RIMS2: variants seen among roughly 807,000 people sequenced by gnomAD.
The protein encoded by RIMS2 is regulating synaptic membrane exocytosis protein 2.
Under a neutral mutation model 174.4 loss-of-function variants are expected in RIMS2, and 59 were observed. That is an observed-to-expected ratio of 0.34 (90% CI 0.27 to 0.42). The LOEUF (loss-of-function observed/expected upper bound fraction) is 0.42. Ranked by LOEUF, RIMS2 falls within the 10% of genes least tolerant of loss-of-function variation. The probability of loss-of-function intolerance (pLI) is 1.00; values close to 1 mark genes in which losing one functional copy is unlikely to be tolerated. For missense variants in RIMS2, 1,620 were observed against 1,666.3 expected (o/e 0.97, Z 0.48); for synonymous variants, 606 against 572.5 (o/e 1.06, Z -0.84).
At chr8:103,633,444 A>G (rs1476693484) in intron 1 of RIMS2, among the ~76,000 whole-genome samples, 2 of 152,108 alleles carry the variant, frequency 1.3e-5, no homozygotes, top group African/African-American at 4.8e-5. Flanking sequence ...TCAGTTTGCA[A>G]GTATTTTGCT....
chr8:103,996,944 G>T (rs1310390230), intron 17 of RIMS2, among the ~76,000 whole-genome samples: 1 of 151,740 alleles, frequency 6.6e-6, no homozygotes, highest in Admixed American at 6.6e-5. Context: ...AACCAAAAAA[G>T]GAGAGAGTAT....
chr8:103,544,891 C>A (rs1039241907), intron 1 of RIMS2, among the ~76,000 whole-genome samples: 1 of 152,118 alleles, frequency 6.6e-6, no homozygotes, highest in Non-Finnish European at 1.5e-5. Context: ...AAAAAAAACA[C>A]ATCCAAAGAA....
chr8:103,718,826 C>G (rs553180808), intron 2 of RIMS2, among the ~76,000 whole-genome samples: 98 of 152,126 alleles, frequency 6.4e-4, no homozygotes, highest in African/African-American at 2.3e-3. Context: ...TGCCACCACC[C>G]CTGGGTACAT....
intron 1 of RIMS2, among the ~76,000 whole-genome samples, chr8:103,637,060 A>T (rs551732178): frequency 6.6e-6 from 1 of 152,280 alleles, no homozygotes; most frequent in African/African-American, 2.4e-5. Context: ...CTAAAGGGCT[A>T]GTGGTGGGTC....
In RIMS2 at chr8:103,586,051, A is replaced by G. The variant is rs149237164; in HGVS notation, c.176+84989A>G. On this transcript the variant is annotated intron_variant, in intron 1 of 23. Transcript: ENST00000504942. ...GTTAATTCAGAAAGTGGATATAACA[A>G]TTGTAAATCTATATGCATCAAAAAC... Among the ~76,000 whole-genome samples, 658 of 152,292 alleles carry G rather than the reference A, an allele frequency of 4.3e-3. 4 individuals are homozygous for G. The highest frequency in any genetic ancestry group is 0.015 in the African/African-American group (609 of 41,564).
intron 1 of RIMS2, among the ~76,000 whole-genome samples, chr8:103,612,725 C>T (rs147790370): frequency 0.014 from 2,198 of 152,160 alleles, 49 homozygotes; most frequent in African/African-American, 0.049. Flanking sequence ...ATTACAGGTG[C>T]GTGCCACCAT....
chr8:103,864,845 G>A (rs1038136789), intron 3 of RIMS2, among the ~76,000 whole-genome samples: 2 of 152,054 alleles, frequency 1.3e-5, no homozygotes, highest in Non-Finnish European at 2.9e-5. Context: ...CTTGTGCACC[G>A]AACTATTCTG....
chr8:104,107,730 T>A (rs1011529357), intron 19 of RIMS2, among the ~76,000 whole-genome samples: 3 of 152,216 alleles, frequency 2.0e-5, no homozygotes, highest in Non-Finnish European at 2.9e-5. Context: ...AGAGGATTGC[T>A]TGAGCCCAGC....
At position 104,120,641 on chromosome 8, in the gene RIMS2, TAA is replaced by T. The variant is rs367955759; in HGVS notation, c.3334+106027_3334+106028del. ...TATAATACACAGTGTATGATCAAAT[TAA>T]GTGATGATTTTTAACTAAAACTTCT... On this transcript the variant is annotated intron_variant, in intron 19 of 23. Transcript: ENST00000504942. Among the ~76,000 whole-genome samples, 606 of 152,270 alleles carry T rather than the reference TAA, an allele frequency of 4.0e-3. 4 individuals are homozygous for T. Among genetic ancestry groups the T allele is most frequent in the African/African-American group, 0.012 (517 of 41,568 alleles).
At chr8:103,725,275 A>G (rs984795126) in intron 2 of RIMS2, among the ~76,000 whole-genome samples, 2 of 152,188 alleles carry the variant, frequency 1.3e-5, no homozygotes, top group South Asian at 4.1e-4. Context: ...GAATTTAAGT[A>G]TAGTTTGACA....
At chr8:103,576,481 A>G (rs1442139140) in intron 1 of RIMS2, among the ~76,000 whole-genome samples, 1 of 152,230 alleles carries the variant, frequency 6.6e-6, no homozygotes, top group Non-Finnish European at 1.5e-5. Flanking sequence ...CAAATGGAGA[A>G]CGAATGAAAC....
chr8:103,669,535 T>G (rs1396923548), intron 1 of RIMS2, among the ~76,000 whole-genome samples: 3 of 152,142 alleles, frequency 2.0e-5, no homozygotes, highest in African/African-American at 7.2e-5. Context: ...GCCTGTAAAA[T>G]CAAAAGTAAG....
At chr8:103,763,186 C>T (rs1451419310) in intron 2 of RIMS2, among the ~76,000 whole-genome samples, 1 of 152,110 alleles carries the variant, frequency 6.6e-6, no homozygotes, top group East Asian at 1.9e-4. Flanking sequence ...ATCTGTAATC[C>T]TAGCACTTTG....
At chr8:103,560,140 C>T (rs1446316152) in intron 1 of RIMS2, among the ~76,000 whole-genome samples, 3 of 152,218 alleles carry the variant, frequency 2.0e-5, no homozygotes. Flanking sequence ...TAAGTCAGTG[C>T]ATCTTCTCAC....
At chr8:104,207,674 C>G (rs962806192) in intron 19 of RIMS2, among the ~76,000 whole-genome samples, 9 of 151,840 alleles carry the variant, frequency 5.9e-5, no homozygotes, top group Non-Finnish European at 1.2e-4. Flanking sequence ...TTAGCTGGGC[C>G]TGGTGGCAGG....
chr8:103,789,165 A>G (rs1004282569), intron 3 of RIMS2, among the ~76,000 whole-genome samples: 1 of 151,702 alleles, frequency 6.6e-6, no homozygotes, highest in Non-Finnish European at 1.5e-5. Flanking sequence ...ACCTGCGCCC[A>G]CTGTCTGGCA....
intron 15 of RIMS2, among the ~76,000 whole-genome samples, chr8:103,969,885 A>T (rs1390611435): frequency 6.6e-6 from 1 of 152,074 alleles, no homozygotes; most frequent in African/African-American, 2.4e-5. Context: ...ACTAGCTGGG[A>T]CTATGGGTGT....
intron 3 of RIMS2, among the ~76,000 whole-genome samples, chr8:103,854,414 G>A (rs968917867): frequency 1.5e-4 from 23 of 152,210 alleles, no homozygotes; most frequent in African/African-American, 5.5e-4. Context: ...AGTCGTGAGA[G>A]TGGACATCCT....
intron 3 of RIMS2, among the ~76,000 whole-genome samples, chr8:103,847,344 G>A (rs553446943): frequency 1.8e-4 from 28 of 152,148 alleles, no homozygotes; most frequent in African/African-American, 5.1e-4. Flanking sequence ...GATAGTGTCC[G>A]GTCCTGCAAG....
Sources: gnomAD v4.1 joint callset for allele counts (sites outside exome capture counted in the v4.1 genomes callset) on GRCh38, gnomAD v4.1.1 for gene constraint, MANE v1.5 for transcripts, NCBI Gene and HGNC (gene_info 2026-07-23, HGNC 2026-07-21) for gene names.